Variants in TELO2 observed in about 807,000 individuals in gnomAD.
The protein encoded by TELO2 is telomere length regulation protein TEL2 homolog.
TELO2 carries 71 observed loss-of-function variants against 91.0 expected under a neutral mutation model. That is an observed-to-expected ratio of 0.78 (90% CI 0.64 to 0.95). The LOEUF is 0.95. TELO2 is among the 40% of genes least tolerant of loss of function. TELO2 has a pLI of 0.00. For synonymous variants in TELO2, 584 were observed against 518.9 expected (o/e 1.13, Z -1.71); for missense variants, 1,183 against 1,141.3 (o/e 1.04, Z -0.53).
chr16:1,500,326 C>G, intron 7 of TELO2, 21 bp from the exon 8 acceptor site: 1 of 1,567,084 alleles, frequency 6.4e-7, no homozygotes. Context: ...CCCACACAGT[C>G]GTGGGCCATG....
chr16:1,510,068 G>C lies in TELO2; in HGVS notation c.*132G>C. On this transcript the variant is annotated 3_prime_UTR_variant, in exon 21 of 21. Coordinates refer to ENST00000262319, the MANE Select transcript of TELO2 (RefSeq NM_016111.4). ...CGCATCCGGTACGGAGAGTGCAGAT[G>C]CAGGAAGGCCCGGCCTGCCGCTATT... 1.4e-6 allele frequency: 1 copy of C among 734,256 alleles called. No individual in the cohort carries two copies. The highest frequency in any genetic ancestry group is 2.2e-6 in the Non-Finnish European group (1 of 450,508). The allele number at this position is 734,256 out of a possible 1,614,324, so 45.5% of individuals were successfully genotyped here. A position where few individuals can be genotyped will look rare whatever the true frequency, so the allele number is the denominator to read the frequency against.
Position 1,494,759 on chromosome 16 carries a change from A to G in TELO2, c.335+143A>G. The G allele has an allele frequency of 1.1e-6, 1 of 948,526 alleles. No individual in the cohort carries two copies. The highest frequency in any genetic ancestry group is 1.5e-6 in the Non-Finnish European group (1 of 654,412). 58.8% of individuals were successfully genotyped at this position (948,526 alleles called of 1,614,324 possible). A position where few individuals can be genotyped will look rare whatever the true frequency, so the allele number is the denominator to read the frequency against. Reference sequence around the variant, plus strand: ...TCCTGGCTGAACCCCTGAACAGAAGAAGCGGTCTGTGTCTGTCTCCTTTGC... The same window carrying G: ...TCCTGGCTGAACCCCTGAACAGAAGGAGCGGTCTGTGTCTGTCTCCTTTGC... On this transcript the variant is annotated intron_variant, in intron 2 of 20. Transcript: ENST00000262319. This position sits in a 1 kb window ranked among gnomAD's most constrained non-coding sequence, Gnocchi z 5.6.
chr16:1,500,177 T>G lies in TELO2; in HGVS notation c.1002+13T>G. On this transcript the variant is annotated intron_variant, in intron 7 of 20. Transcript: ENST00000262319. ...GCTCCTGCTGCAGGTACGTGCCTCC[T>G]GGCTCTCCGTCCCTGCGAGGCCCTG... 1.3e-6 allele frequency: 2 copies of G among 1,596,334 alleles called. No homozygotes were observed. The highest frequency in any genetic ancestry group is 4.5e-5 in the East Asian group (2 of 44,368).
In TELO2 at chr16:1,494,366, T is replaced by G; in HGVS notation, c.85T>G (p.Phe29Val). Residue 29 changes from phenylalanine to valine, a missense_variant, in exon 2 of 21, where the codon TTC (phenylalanine) becomes GTC (valine). By Grantham distance (50) the Phe-to-Val change is conservative. Transcript: ENST00000262319. This position sits in a 1 kb window ranked among gnomAD's most constrained non-coding sequence, Gnocchi z 5.6. Reference sequence around the variant, plus strand: ...GTCTTCGGAGGATGGCGGCCACATCTTCTGCACCCTGGAGTCCCTGAAGCG... The same window carrying G: ...GTCTTCGGAGGATGGCGGCCACATCGTCTGCACCCTGGAGTCCCTGAAGCG... ...LSSSEDGGHI[F>V]CTLESLKRYL... The G allele has an allele frequency of 6.2e-7, 1 of 1,613,384 alleles. No individual in the cohort carries two copies. The highest frequency in any genetic ancestry group is 8.5e-7 in the Non-Finnish European group (1 of 1,179,970).
intron 15 of TELO2, among the ~76,000 whole-genome samples, chr16:1,504,165 C>T (rs186656955): frequency 1.5e-3 from 217 of 149,262 alleles, no homozygotes; most frequent in African/African-American, 4.9e-3. Context: ...CCGGCCACGG[C>T]GGCTCACACC....
chr16:1,507,127 C>G, intron 18 of TELO2, 76 bp downstream of exon 18: 2 of 1,518,466 alleles, frequency 1.3e-6, no homozygotes, highest in Non-Finnish European at 1.8e-6. Context: ...TCACCTGCGC[C>G]CAGGGATGGG....
Position 1,493,865 on chromosome 16 carries a change from C to G in TELO2, c.-37+260C>G, listed in dbSNP as rs974178847. On this transcript the variant is annotated intron_variant, in intron 1 of 20. Coordinates refer to ENST00000262319, the MANE Select transcript of TELO2 (RefSeq NM_016111.4). This position sits in a 1 kb window ranked among gnomAD's most constrained non-coding sequence, Gnocchi z 4.3. ...TCACCGCTCAGGGAGCCGGGAGGGC[C>G]GGCAGCTCCCGCGGGCCGAGTTTCC... Among the ~76,000 whole-genome samples the G allele has an allele frequency of 5.9e-5, 9 of 152,226 alleles. No individual in the cohort carries two copies. Among genetic ancestry groups the G allele is most frequent in the Non-Finnish European group, 1.0e-4 (7 of 68,036 alleles).
At chr16:1,506,691 G>A in intron 17 of TELO2, 2 of 1,379,452 alleles carry the variant, frequency 1.4e-6, no homozygotes, top group African/African-American at 1.5e-5. Flanking sequence ...TGGCAGAGAA[G>A]TGTGGGGCCT....
At position 1,500,097 on chromosome 16, in the gene TELO2, C is replaced by T. The variant is rs1017883214; in HGVS notation, c.935C>T (p.Thr312Met). The change falls in exon 7 of 21, where the codon ACG (threonine) becomes ATG (methionine). Residue 312 changes from threonine (T) to methionine (M), a missense_variant and splice_region_variant. Physicochemically the swap from Thr to Met is moderately conservative, Grantham distance 81. Transcript: ENST00000262319. ...KLLFLQSRLT[T>M]PMLQSLLGHL... ...GACAGGCATGTGCTTTTATTGCAGA[C>T]GCCCATGCTGCAGAGCCTGCTGGGC... is the stretch of plus-strand genomic sequence containing the variant. The T allele has an allele frequency of 1.2e-5, 19 of 1,608,732 alleles. No homozygotes were observed. The highest frequency in any genetic ancestry group is 3.3e-5 in the Admixed American group (2 of 59,890).
Position 1,509,852 on chromosome 16 carries a change from C to G in TELO2, c.2430C>G (p.Asp810Glu). ...WLADVAEKDPDEDCRTLALRA... is the reference protein window; with the variant it reads ...WLADVAEKDPEEDCRTLALRA... ...CAGACGTGGCTGAGAAAGACCCGGA[C>G]GAGGACTGCAGGACGCTGGCACTGA... The change falls in exon 21 of 21, where the codon GAC becomes GAG. Residue 810 changes from aspartate (D) to glutamate (E), a missense_variant. Coordinates refer to ENST00000262319, the MANE Select transcript of TELO2 (RefSeq NM_016111.4). 1 of 1,612,466 alleles carries G rather than the reference C, an allele frequency of 6.2e-7. No homozygotes were observed. The highest frequency in any genetic ancestry group is 8.5e-7 in the Non-Finnish European group (1 of 1,179,760).
chr16:1,501,337 G>A, intron 9 of TELO2, 83 bp from the exon 10 acceptor site: 2 of 1,472,202 alleles, frequency 1.4e-6, no homozygotes, highest in Non-Finnish European at 1.9e-6. Context: ...GGAGGCCACA[G>A]TGGGGAGTGG....
Position 1,500,572 on chromosome 16 carries a change from C to T in TELO2, c.1154C>T (p.Ala385Val). Residue 385 changes from alanine (A) to valine (V), a missense_variant, in exon 9 of 21, where the codon GCC (alanine) becomes GTC (valine). By Grantham distance (64) the Ala-to-Val change is moderately conservative. Transcript: ENST00000262319. The part of the protein sequence containing the change: ...ELRDSRDELL[A>V]SMMAGVKCRL... ...TGTCCGGTGCTTGCAGAACTGCTGG[C>T]CAGCATGATGGCGGGCGTGAAGTGC... 1 of 1,611,976 alleles carries T rather than the reference C, an allele frequency of 6.2e-7. No homozygotes were observed. Among genetic ancestry groups the T allele is most frequent in the Non-Finnish European group, 8.5e-7 (1 of 1,179,614 alleles).
chr16:1,504,977 T>C (rs535967865), intron 15 of TELO2, among the ~76,000 whole-genome samples: 1 of 152,258 alleles, frequency 6.6e-6, no homozygotes, highest in African/African-American at 2.4e-5. Context: ...GGTCTGGCGC[T>C]GGCCTGTTGA....
At chr16:1,501,852 TG>T in intron 11 of TELO2, 79 bp downstream of exon 11, 5 of 1,498,460 alleles carry the variant, frequency 3.3e-6, no homozygotes, top group Non-Finnish European at 3.6e-6. Flanking sequence ...TGCGGCCCCG[TG>T]GGGGGCTCCC....
In TELO2 at chr16:1,494,728, G is replaced by A. The variant is rs1452720377; in HGVS notation, c.335+112G>A. On this transcript the variant is annotated intron_variant, in intron 2 of 20. Coordinates refer to ENST00000262319, the MANE Select transcript of TELO2 (RefSeq NM_016111.4). The surrounding 1 kb of genome is among the most constrained non-coding windows in gnomAD (Gnocchi z 5.6). ...GTCCCTGTGAGGGGCTAGAGAGAGA[G>A]CCTGCTCCTGGCTGAACCCCTGAAC... 8.5e-7 allele frequency: 1 copy of A among 1,181,942 alleles called. No individual in the cohort carries two copies. Among genetic ancestry groups the A allele is most frequent in the Non-Finnish European group, 1.2e-6 (1 of 863,278 alleles). 73.2% of individuals were successfully genotyped at this position (1,181,942 alleles called of 1,614,324 possible).
intron 2 of TELO2, 135 bp from the exon 3 acceptor site, chr16:1,495,211 G>A: frequency 8.0e-7 from 1 of 1,255,524 alleles, no homozygotes; most frequent in Non-Finnish European, 1.1e-6. Flanking sequence ...TTCCCATCCG[G>A]CTTGTGGTTT....
Position 1,506,280 on chromosome 16 carries a change from A to G in TELO2, c.2077A>G (p.Asn693Asp). ...CCCGGCAGGCAGCCCCAGCAGATTC[A>G]ACTCCGTGGCCGGCCACTTCTTCTT... ...QGPAGSPSRF[N>D]SVAGHFFFPL... Residue 693 changes from asparagine (N) to aspartate (D), a missense_variant, in exon 17 of 21, where the codon AAC (asparagine) becomes GAC (aspartate). Asn to Asp is a conservative substitution (Grantham distance 23). Coordinates refer to ENST00000262319, the MANE Select transcript of TELO2 (RefSeq NM_016111.4). 3.7e-6 allele frequency: 6 copies of G among 1,613,880 alleles called. No homozygotes were observed. Among genetic ancestry groups the G allele is most frequent in the Non-Finnish European group, 5.1e-6 (6 of 1,180,008 alleles).
chr16:1,496,460 G>A (rs1358402660), intron 3 of TELO2, among the ~76,000 whole-genome samples: 3 of 152,250 alleles, frequency 2.0e-5, no homozygotes, highest in African/African-American at 7.2e-5. Flanking sequence ...ATGTATTAAG[G>A]AGGCTTTGGG....
In TELO2 at chr16:1,494,666, G is replaced by A. The variant is rs200931743; in HGVS notation, c.335+50G>A. 4.8e-5 allele frequency: 75 copies of A among 1,551,152 alleles called. 1 individual carries two copies. The East Asian group carries it at 1.7e-3, about 34-fold the overall frequency. On this transcript the variant is annotated intron_variant, in intron 2 of 20. Coordinates refer to ENST00000262319, the MANE Select transcript of TELO2 (RefSeq NM_016111.4). The surrounding 1 kb of genome is among the most constrained non-coding windows in gnomAD (Gnocchi z 5.6). ...GGTTGCCGGTAGCCTCAGAAGTGAT[G>A]AGAGTGGCTTGAAGGACTGGACCAA...
Sources: gnomAD v4.1 joint callset for allele counts (sites outside exome capture counted in the v4.1 genomes callset) on GRCh38, gnomAD v4.1.1 for gene constraint, Gnocchi (gnomAD v3.1) non-coding constraint, MANE v1.5 for transcripts, NCBI Gene and HGNC (gene_info 2026-07-23, HGNC 2026-07-21) for gene names.